Variants in TPGS1 observed in about 807,000 individuals in gnomAD.
TPGS1 encodes tubulin polyglutamylase complex subunit 1.
In TPGS1, 18 loss-of-function variants were observed where a neutral mutation model predicts 11.9. The ratio of observed to expected loss-of-function variants is 1.51; its 90% CI spans 1.04 to 2.24. TPGS1 has a LOEUF of 2.24. TPGS1 is among the 30% of genes most tolerant of loss of function. TPGS1 has a pLI of 0.00. For synonymous variants in TPGS1, 247 were observed against 218.2 expected, an observed-to-expected ratio of 1.13 and a Z score of -1.16; for missense variants, 500 against 443.0, an observed-to-expected ratio of 1.13 and a Z score of -1.16.
chr19:513,279 T>C (rs1978854408), intron 1 of TPGS1, among the ~76,000 whole-genome samples: 1 of 152,188 alleles, frequency 6.6e-6, no homozygotes, highest in African/African-American at 2.4e-5. Flanking sequence ...ACCTCATGGA[T>C]GGTAAAAGCG....
At chr19:512,383 G>A (rs1302850798) in intron 1 of TPGS1, among the ~76,000 whole-genome samples, 4 of 151,982 alleles carry the variant, frequency 2.6e-5, no homozygotes, top group East Asian at 1.9e-4. Flanking sequence ...GGCTGGTTTC[G>A]AACTCCTGGA....
chr19:513,121 G>T (rs1007543594), intron 1 of TPGS1, among the ~76,000 whole-genome samples: 1 of 152,174 alleles, frequency 6.6e-6, no homozygotes, highest in Non-Finnish European at 1.5e-5. Flanking sequence ...GATCTGTGAG[G>T]CGGCAGCAGC....
intron 1 of TPGS1, among the ~76,000 whole-genome samples, chr19:512,682 G>A (rs1023327490): frequency 2.0e-5 from 3 of 152,360 alleles, no homozygotes; most frequent in Non-Finnish European, 2.9e-5. Context: ...GCGGAGCAGC[G>A]CTGCCGTCGC....
intron 1 of TPGS1, chr19:510,354 CAG>C (rs1438352792): frequency 6.7e-6 from 1 of 150,304 alleles, no homozygotes; most frequent in Non-Finnish European, 1.5e-5. Flanking sequence ...GCCTGGGCGA[CAG>C]AGCGAGACTC....
intron 1 of TPGS1, among the ~76,000 whole-genome samples, chr19:514,325 C>T (rs1213257372): frequency 6.7e-6 from 1 of 150,054 alleles, no homozygotes; most frequent in Non-Finnish European, 1.5e-5. Flanking sequence ...CACTGCACAC[C>T]GACCCCACGT....
chr19:513,944 C>T (rs971912364), intron 1 of TPGS1, among the ~76,000 whole-genome samples: 6 of 149,806 alleles, frequency 4.0e-5, no homozygotes, highest in African/African-American at 1.5e-4. Flanking sequence ...TTACTGAGCA[C>T]CTGCTGCACA....
At chr19:511,911 A>G (rs6510818) in intron 1 of TPGS1, among the ~76,000 whole-genome samples, 92,650 of 151,830 alleles carry the variant, frequency 0.61, 28,770 homozygotes, top group African/African-American at 0.69. Flanking sequence ...TGGTTCTGTC[A>G]CCCAGGCTGG....
chr19:515,989 G>C (rs1281171308), intron 1 of TPGS1, among the ~76,000 whole-genome samples: 1 of 147,814 alleles, frequency 6.8e-6, no homozygotes, highest in African/African-American at 2.5e-5. Context: ...CCGAGATCCC[G>C]CCACTGCACT....
intron 1 of TPGS1, among the ~76,000 whole-genome samples, chr19:514,678 G>A (rs1038594729): frequency 2.6e-5 from 4 of 152,238 alleles, no homozygotes; most frequent in Non-Finnish European, 5.9e-5. Context: ...AGGGAAAAGC[G>A]TAAGCCCTGA....
chr19:513,306 G>A (rs2145832866), intron 1 of TPGS1, among the ~76,000 whole-genome samples: 1 of 152,296 alleles, frequency 6.6e-6, no homozygotes, highest in African/African-American at 2.4e-5. Context: ...GGATTATAAG[G>A]GCCAACAAAT....
At chr19:518,428 T>A in intron 1 of TPGS1, among the ~76,000 whole-genome samples, 2 of 37,206 alleles carry the variant, frequency 5.4e-5, no homozygotes, top group African/African-American at 2.4e-4. Context: ...GAGGGAGGCC[T>A]GGGCTTGGGA....
Position 507,589 on chromosome 19 carries a change from C to A in TPGS1, c.83C>A (p.Ala28Glu), listed in dbSNP as rs539053810. 19 of 1,397,590 alleles carry A rather than the reference C, an allele frequency of 1.4e-5. No individual in the cohort carries two copies. The highest frequency in any genetic ancestry group is 1.6e-5 in the Non-Finnish European group (17 of 1,068,830). 86.6% of individuals were successfully genotyped at this position (1,397,590 alleles called of 1,614,324 possible). A position where few individuals can be genotyped will look rare whatever the true frequency, so the allele number is the denominator to read the frequency against. ...AGCGGCCGCCAGTCGGTATCCCGGG[C>A]GGCGGGGGCGGCCGAGAGCGAGGAG... ...TDSGRQSVSR[A>E]AGAAESEEDF... Residue 28 changes from alanine to glutamate, a missense_variant, in exon 1 of 2, where the codon GCG becomes GAG. By Grantham distance (107) the Ala-to-Glu change is moderately radical. Coordinates refer to ENST00000359315, the MANE Select transcript of TPGS1 (RefSeq NM_033513.3).
At chr19:508,223 A>T (rs1194773949) in intron 1 of TPGS1, 1 of 189,800 alleles carries the variant, frequency 5.3e-6, no homozygotes. Context: ...TAGCAGCCTC[A>T]TGTTATCCCC....
chr19:519,162 G>C lies in TPGS1; in HGVS notation c.612G>C (p.Leu204=), dbSNP rs770423748. The stretch of plus-strand genomic sequence containing the variant: ...CGCGCGCCGGCGCGCTCTTCCAGCT[G>C]CTGGAGGACTCGGCCGCCGCCGTGG... ...FVARAGALFQ[L]LEDSAAAVAD... The change falls in exon 2 of 2, where the codon CTG becomes CTC. Residue 204 remains leucine, a synonymous_variant. Transcript: ENST00000359315. 6.6e-7 allele frequency: 1 copy of C among 1,506,772 alleles called. No homozygotes were observed. The highest frequency in any genetic ancestry group is 1.2e-5 in the South Asian group (1 of 80,828). The allele number at this position is 1,506,772 out of a possible 1,614,324, so 93.3% of individuals were successfully genotyped here.
At chr19:515,980 C>T (rs1978941045) in intron 1 of TPGS1, among the ~76,000 whole-genome samples, 1 of 148,440 alleles carries the variant, frequency 6.7e-6, no homozygotes, top group African/African-American at 2.5e-5. Flanking sequence ...TGCAGTGAGC[C>T]GAGATCCCGC....
In TPGS1 at chr19:519,241, G is replaced by A. The variant is rs1378209276; in HGVS notation, c.691G>A (p.Ala231Thr). 8.9e-6 allele frequency: 11 copies of A among 1,239,618 alleles called. No individual in the cohort carries two copies. Among genetic ancestry groups the A allele is most frequent in the Non-Finnish European group, 1.1e-5 (11 of 993,658 alleles). 76.8% of individuals were successfully genotyped at this position (1,239,618 alleles called of 1,614,324 possible). A position where few individuals can be genotyped will look rare whatever the true frequency, so the allele number is the denominator to read the frequency against. Residue 231 changes from alanine (A) to threonine (T), a missense_variant, in exon 2 of 2, where the codon GCC becomes ACC. Transcript: ENST00000359315. ...GGACACCCTGGAGGGCGCGCTGCAG[G>A]CCAGCGACGCCGCCGCGCCCGCGCG... ...VLDTLEGALQ[A>T]SDAAAPARFL...
At chr19:508,139 A>C in intron 1 of TPGS1, 1 of 308,626 alleles carries the variant, frequency 3.2e-6, no homozygotes, top group Non-Finnish European at 5.9e-6. Flanking sequence ...GATTTTCAAA[A>C]TCGTGCAGCT....
At chr19:518,791 G>T in intron 1 of TPGS1, 98 bp from the exon 2 acceptor site, 1 of 1,316,000 alleles carries the variant, frequency 7.6e-7, no homozygotes, top group East Asian at 2.9e-5. Context: ...GCTGGCTGGG[G>T]GGTCGGGGAG....
At chr19:517,383 A>G (rs1600404013) in intron 1 of TPGS1, among the ~76,000 whole-genome samples, 7 of 34,380 alleles carry the variant, frequency 2.0e-4, no homozygotes, top group East Asian at 7.1e-4. Context: ...AGCTGGGTGG[A>G]GGCTGGGAGG....
Sources: gnomAD v4.1 joint callset for allele counts (sites outside exome capture counted in the v4.1 genomes callset) on GRCh38, gnomAD v4.1.1 for gene constraint, MANE v1.5 for transcripts, NCBI Gene and HGNC (gene_info 2026-07-23, HGNC 2026-07-21) for gene names.